Variants in PCDHA6 observed in about 807,000 individuals in gnomAD.
PCDHA6 encodes the protein protocadherin alpha-6.
PCDHA6 carries 55 observed loss-of-function variants against 60.3 expected under a neutral mutation model. That is an observed-to-expected ratio of 0.91 (90% CI 0.73 to 1.14). PCDHA6 has a LOEUF of 1.14. Among genes scored for constraint, PCDHA6 ranks in the 50% most tolerant of loss-of-function variants. The pLI is 0.00. For missense variants in PCDHA6, 1,327 were observed against 1,256.5 expected (o/e 1.06, Z -0.85); for synonymous variants, 652 against 557.9 (o/e 1.17, Z -2.38).
At chr5:140,833,518 C>A (rs1772496743) in intron 1 of PCDHA6, among the ~76,000 whole-genome samples, 2 of 152,126 alleles carry the variant, frequency 1.3e-5, no homozygotes, top group Non-Finnish European at 2.9e-5. Flanking sequence ...GGCATATATT[C>A]ATAACACACA....
chr5:140,992,823 T>A (rs1261484178), intron 3 of PCDHA6, among the ~76,000 whole-genome samples: 1 of 152,140 alleles, frequency 6.6e-6, no homozygotes, highest in Non-Finnish European at 1.5e-5. Flanking sequence ...ATGTGTTTGT[T>A]TTTTGGGAAC....
At chr5:140,929,174 G>A (rs782544510) in intron 1 of PCDHA6, 2 of 1,614,140 alleles carry the variant, frequency 1.2e-6, no homozygotes, top group East Asian at 4.5e-5. Context: ...GCCTCTCTGG[G>A]ACTTGGTTCT....
chr5:140,967,928 A>G, intron 1 of PCDHA6: 1 of 1,614,200 alleles, frequency 6.2e-7, no homozygotes, highest in South Asian at 1.1e-5. Context: ...GGCCGTTCTC[A>G]GTGTCAATGA....
chr5:140,917,948 A>G (rs1382859222), intron 1 of PCDHA6, among the ~76,000 whole-genome samples: 2 of 151,868 alleles, frequency 1.3e-5, no homozygotes, highest in Admixed American at 1.3e-4. Flanking sequence ...TGGTAGTTTG[A>G]TAGGAACATC....
At chr5:140,964,866 C>A (rs2095858965) in intron 1 of PCDHA6, among the ~76,000 whole-genome samples, 1 of 152,132 alleles carries the variant, frequency 6.6e-6, no homozygotes, top group Non-Finnish European at 1.5e-5. Flanking sequence ...ACAAAGAGGA[C>A]AAATAAGAAG....
chr5:140,940,437 C>T (rs1212783028), intron 1 of PCDHA6, among the ~76,000 whole-genome samples: 1 of 151,730 alleles, frequency 6.6e-6, no homozygotes, highest in Non-Finnish European at 1.5e-5. Context: ...TCAAGTCTGC[C>T]ATGATATTTT....
chr5:140,871,291 G>C, intron 1 of PCDHA6: 1 of 1,613,906 alleles, frequency 6.2e-7, no homozygotes, highest in Non-Finnish European at 8.5e-7. Flanking sequence ...CACTGAGGGC[G>C]CGTGCGCGCC....
chr5:140,900,840 T>C (rs6874218), intron 1 of PCDHA6, among the ~76,000 whole-genome samples: 1 of 151,950 alleles, frequency 6.6e-6, no homozygotes, highest in Admixed American at 6.6e-5. Flanking sequence ...ATGTACAAAG[T>C]TTCCCTTTTT....
At chr5:140,960,265 T>A (rs1380537220) in intron 1 of PCDHA6, among the ~76,000 whole-genome samples, 2 of 152,174 alleles carry the variant, frequency 1.3e-5, no homozygotes, top group African/African-American at 4.8e-5. Context: ...TTCTGATAAA[T>A]TCCGTCACCT....
At position 140,830,003 on chromosome 5, in the gene PCDHA6, G is replaced by T. The variant is rs1554132452; in HGVS notation, c.1912G>T (p.Asp638Tyr). 5 of 1,613,852 alleles carry T rather than the reference G, an allele frequency of 3.1e-6. No homozygotes were observed. Among genetic ancestry groups the T allele is most frequent in the Non-Finnish European group, 4.2e-6 (5 of 1,179,934 alleles). Reference protein sequence around the residue: ...TGEISTTRVLDEADSPRHRLL... With the variant: ...TGEISTTRVLYEADSPRHRLL... The stretch of plus-strand genomic sequence containing the variant: ...CGAGATCAGCACCACTCGTGTCCTG[G>T]ACGAAGCGGACTCTCCGCGCCACCG... Residue 638 changes from aspartate to tyrosine, a missense_variant, in exon 1 of 4, where the codon GAC becomes TAC. Asp to Tyr is a radical substitution (Grantham distance 160). Transcript: ENST00000529310.
At chr5:140,998,720 A>G (rs1554256437) in intron 3 of PCDHA6, among the ~76,000 whole-genome samples, 1 of 152,092 alleles carries the variant, frequency 6.6e-6, no homozygotes, top group African/African-American at 2.4e-5. Context: ...TTGCACCACC[A>G]CGCTAGGCTA....
At chr5:140,946,872 T>C (rs983892070) in intron 1 of PCDHA6, among the ~76,000 whole-genome samples, 7 of 151,402 alleles carry the variant, frequency 4.6e-5, no homozygotes, top group Admixed American at 1.3e-4. Flanking sequence ...GGTTGGTCAA[T>C]GGGTACGAAG....
Position 140,848,772 on chromosome 5 carries a change from G to C in PCDHA6, c.2394+18287G>C, listed in dbSNP as rs2150420106. 4 of 1,593,480 alleles carry C rather than the reference G, an allele frequency of 2.5e-6. No individual in the cohort carries two copies. In the African/African-American group the frequency reaches 5.4e-5, roughly 21 times the overall value. ...GTTTGTGAATTCTCGGATCGACCGC[G>C]AGGAGCTGTGCGGGCGGAGCGCGGA... On this transcript the variant is annotated intron_variant, in intron 1 of 3. Coordinates refer to ENST00000529310, the MANE Select transcript of PCDHA6 (RefSeq NM_018909.4).
In PCDHA6 at chr5:140,829,776, C is replaced by A. The variant is rs2150174390; in HGVS notation, c.1685C>A (p.Ala562Glu). The change falls in exon 1 of 4, where the codon GCG (alanine) becomes GAG (glutamate). Residue 562 changes from alanine to glutamate, a missense_variant. Ala to Glu is a moderately radical substitution (Grantham distance 107). Coordinates refer to ENST00000529310, the MANE Select transcript of PCDHA6 (RefSeq NM_018909.4). The stretch of plus-strand genomic sequence containing the variant: ...TTCGTGCTGGACGAGAACGACAACG[C>A]GCCGGCGCTGCTGGCGCCTCGGGTG... ...QVFVLDENDN[A>E]PALLAPRVGG... The A allele has an allele frequency of 9.3e-6, 15 of 1,613,686 alleles. No homozygotes were observed. In the East Asian group the frequency reaches 3.3e-4, roughly 36 times the overall value.
At chr5:140,979,120 T>A in intron 2 of PCDHA6, 113 bp downstream of exon 2, 1 of 1,497,648 alleles carries the variant, frequency 6.7e-7, no homozygotes, top group Non-Finnish European at 8.9e-7. Flanking sequence ...CTTTAGGTAC[T>A]TTGCCAGGAA....
At chr5:140,993,460 T>TCCCACA (rs1554253699) in intron 3 of PCDHA6, among the ~76,000 whole-genome samples, 8 of 104,506 alleles carry the variant, frequency 7.7e-5, no homozygotes, top group African/African-American at 3.1e-4. Context: ...CTTCTTTCTT[T>TCCCACA]CTCACACACA....
chr5:140,940,988 T>G (rs2092713422), intron 1 of PCDHA6, among the ~76,000 whole-genome samples: 1 of 152,206 alleles, frequency 6.6e-6, no homozygotes, highest in African/African-American at 2.4e-5. Flanking sequence ...AGTTACAAGT[T>G]TATAGGATTA....
chr5:140,942,540 G>T (rs1013086382), intron 1 of PCDHA6, among the ~76,000 whole-genome samples: 52 of 152,164 alleles, frequency 3.4e-4, no homozygotes, highest in African/African-American at 1.1e-3. Flanking sequence ...TCAGTATGGT[G>T]GGGGGTAGGG....
At position 140,830,384 on chromosome 5, in the gene PCDHA6, C is replaced by T. The variant is rs2150185843; in HGVS notation, c.2293C>T (p.Pro765Ser). ...GAGGGTGTGCTCCGGGGAGGGCCCA[C>T]CCAAGATGGATCTCATGGCCTTTAG... ...RQRVCSGEGP[P>S]KMDLMAFSPS... The change falls in exon 1 of 4, where the codon CCC (proline) becomes TCC (serine). Residue 765 changes from proline to serine, a missense_variant. Physicochemically the swap from Pro to Ser is moderately conservative, Grantham distance 74. Transcript: ENST00000529310. 6.2e-7 allele frequency: 1 copy of T among 1,614,156 alleles called. No homozygotes were observed. The highest frequency in any genetic ancestry group is 1.1e-5 in the South Asian group (1 of 91,092).
Sources: allele counts gnomAD v4.1 joint callset (sites outside exome capture counted in the v4.1 genomes callset), GRCh38; gene constraint gnomAD v4.1.1; transcripts MANE v1.5; gene names NCBI Gene and HGNC (gene_info 2026-07-23, HGNC 2026-07-21).